The following DIP2A variants were observed in gnomAD, a reference collection of about 807,000 sequenced individuals.
The protein encoded by DIP2A is DIP2 acetate--CoA ligase A.
In DIP2A, 85 loss-of-function variants were observed where a neutral mutation model predicts 177.4. The ratio of observed to expected loss-of-function variants is 0.48; its 90% CI spans 0.40 to 0.57. The LOEUF (loss-of-function observed/expected upper bound fraction) is 0.57. Among genes scored for constraint, DIP2A ranks in the 20% least tolerant of loss-of-function variants. The pLI is 0.00. For synonymous variants in DIP2A, 886 were observed against 881.8 expected (o/e 1.00, Z -0.08); for missense variants, 1,791 against 2,100.2 (o/e 0.85, Z 2.88).
Position 46,498,700 on chromosome 21 carries a change from G to GTCCACCTCATCCTCTGCATCC in DIP2A, c.534_554dup (p.Ser179_Ser185dup). The GTCCACCTCATCCTCTGCATCC allele has an allele frequency of 6.2e-7, 1 of 1,613,760 alleles. No individual in the cohort carries two copies. Among genetic ancestry groups the GTCCACCTCATCCTCTGCATCC allele is most frequent in the Non-Finnish European group, 8.5e-7 (1 of 1,179,862 alleles). On this transcript the variant is annotated inframe_insertion, in exon 5 of 38. Transcript: ENST00000417564. This position sits in a 1 kb window ranked among gnomAD's most constrained non-coding sequence, Gnocchi z 4.3. ...GGCTCGACCGGGTCATTCAGGGCTCGTCCACCTCATCCTCTGCATCCTCCA... is the reference window on the plus strand; with the variant it reads ...GGCTCGACCGGGTCATTCAGGGCTCGTCCACCTCATCCTCTGCATCCTCCACCTCATCCTCTGCATCCTCCA...
Position 46,529,149 on chromosome 21 carries a change from G to A in DIP2A, c.1160G>A (p.Ser387Asn). Residue 387 changes from serine (S) to asparagine (N), a missense_variant, in exon 9 of 38, where the codon AGT (serine) becomes AAT (asparagine). Physicochemically the swap from Ser to Asn is conservative, Grantham distance 46. Coordinates refer to ENST00000417564, the MANE Select transcript of DIP2A (RefSeq NM_015151.4). Reference protein sequence around the residue: ...LAYTLLNKLTSKNEPLLKPGD... With the variant: ...LAYTLLNKLTNKNEPLLKPGD... ...TATACTCTACTTAATAAACTGACAA[G>A]TAAGAATGAACCTCTACTTAAACCT... 6 of 1,536,110 alleles carry A rather than the reference G, an allele frequency of 3.9e-6. No homozygotes were observed. The highest frequency in any genetic ancestry group is 5.3e-6 in the Non-Finnish European group (6 of 1,140,666).
chr21:46,543,936 GTCTC>G (rs1384809687), intron 18 of DIP2A, among the ~76,000 whole-genome samples: 1 of 152,142 alleles, frequency 6.6e-6, no homozygotes, highest in Non-Finnish European at 1.5e-5. Context: ...ATATCTGGTT[GTCTC>G]TCTCTTTCTT....
At chr21:46,572,874 A>G (rs1273531955), downstream of DIP2A, among the ~76,000 whole-genome samples, 1 of 152,202 alleles carries the variant, frequency 6.6e-6, no homozygotes, top group Non-Finnish European at 1.5e-5. Context: ...ATGTGTTTAG[A>G]TATACAAATA....
intron 2 of DIP2A, among the ~76,000 whole-genome samples, chr21:46,486,864 C>T (rs2056729752): frequency 6.6e-6 from 1 of 152,154 alleles, no homozygotes; most frequent in African/African-American, 2.4e-5. Context: ...CTCAAATACC[C>T]ATCAACAGAA....
intron 1 of DIP2A, chr21:46,462,384 G>T (rs1160897461): frequency 6.6e-6 from 1 of 152,202 alleles, no homozygotes; most frequent in Non-Finnish European, 1.5e-5. Flanking sequence ...TAAAGTGTCT[G>T]TGAATCTCCT....
chr21:46,465,655 T>A (rs1411786090), intron 1 of DIP2A, among the ~76,000 whole-genome samples: 1 of 152,160 alleles, frequency 6.6e-6, no homozygotes, highest in Non-Finnish European at 1.5e-5. Context: ...TCACTGATAG[T>A]CATTATATTA....
chr21:46,478,050 C>T (rs1341025878), intron 1 of DIP2A, among the ~76,000 whole-genome samples: 2 of 152,120 alleles, frequency 1.3e-5, no homozygotes, highest in East Asian at 3.9e-4. Context: ...TGTTGTTCTA[C>T]TTGCTTATCT....
intron 13 of DIP2A, among the ~76,000 whole-genome samples, chr21:46,534,991 G>A (rs1406891720): frequency 6.6e-6 from 1 of 152,206 alleles, no homozygotes. Context: ...ATATCCCACT[G>A]ATTGATTTAT....
chr21:46,574,968 C>T (rs1483079870), downstream of DIP2A, among the ~76,000 whole-genome samples: 2 of 152,084 alleles, frequency 1.3e-5, no homozygotes, highest in East Asian at 3.9e-4. Context: ...CAGTCAGACA[C>T]TACAAAAACA....
chr21:46,507,682 A>AT (rs2058084000), intron 6 of DIP2A, among the ~76,000 whole-genome samples: 1 of 83,758 alleles, frequency 1.2e-5, no homozygotes, highest in Non-Finnish European at 2.5e-5. Context: ...TTTTTTTTTA[A>AT]TTTTCTGTTC....
chr21:46,518,528 T>C (rs925361612), intron 8 of DIP2A, among the ~76,000 whole-genome samples: 11 of 152,238 alleles, frequency 7.2e-5, no homozygotes, highest in Admixed American at 7.2e-4. Context: ...ACTTGCTCTT[T>C]TGTTAAGTAC....
Position 46,555,375 on chromosome 21 carries a change from C to T in DIP2A, c.3388+442C>T, listed in dbSNP as rs549811413. Reference sequence around the variant, plus strand: ...AGAAACCCCCCTGGCTCCCCTCTGCCGTGGACCTGTCTCAGCCTGGGCTGG... The same window carrying T: ...AGAAACCCCCCTGGCTCCCCTCTGCTGTGGACCTGTCTCAGCCTGGGCTGG... On this transcript the variant is annotated intron_variant, in intron 28 of 37. Coordinates refer to ENST00000417564, the MANE Select transcript of DIP2A (RefSeq NM_015151.4). The T allele has an allele frequency of 5.7e-5, 13 of 227,508 alleles. No individual in the cohort carries two copies. The East Asian group carries it at 7.3e-4, about 13-fold the overall frequency. 14.1% of individuals were successfully genotyped at this position (227,508 alleles called of 1,614,324 possible).
At chr21:46,527,900 C>G (rs1429612075) in intron 8 of DIP2A, among the ~76,000 whole-genome samples, 1 of 152,092 alleles carries the variant, frequency 6.6e-6, no homozygotes. Flanking sequence ...CATGGTCACC[C>G]CTGCCTCTGT....
intron 10 of DIP2A, 23 bp from the exon 11 acceptor site, chr21:46,533,501 C>T: frequency 6.2e-7 from 1 of 1,609,004 alleles, no homozygotes; most frequent in Non-Finnish European, 8.5e-7. Context: ...CCCCACCCCA[C>T]ACGGTCACTC....
intron 1 of DIP2A, among the ~76,000 whole-genome samples, chr21:46,465,797 A>G (rs1452988929): frequency 3.3e-5 from 5 of 152,228 alleles, no homozygotes; most frequent in Non-Finnish European, 7.3e-5. Flanking sequence ...TGGGAAGTAC[A>G]TGAATTGCTT....
rs373389333 is a variant in DIP2A, at chr21:46,557,547, G to C, written c.3630-38G>C. ...AAGAGTGGAGTGCCCAGGGTGCTGGGTGGGCGGGCGGAGCCTCACGAGCCT... is the reference window on the plus strand; with the variant it reads ...AAGAGTGGAGTGCCCAGGGTGCTGGCTGGGCGGGCGGAGCCTCACGAGCCT... On this transcript the variant is annotated intron_variant, in intron 30 of 37. Transcript: ENST00000417564. This position sits in a 1 kb window ranked among gnomAD's most constrained non-coding sequence, Gnocchi z 6.0. 36 of 1,582,500 alleles carry C rather than the reference G, an allele frequency of 2.3e-5. No homozygotes were observed. In the African/African-American group the frequency reaches 4.4e-4, roughly 19 times the overall value.
chr21:46,512,930 G>T (rs557455762), intron 8 of DIP2A, among the ~76,000 whole-genome samples: 5 of 152,140 alleles, frequency 3.3e-5, no homozygotes, highest in Non-Finnish European at 7.4e-5. Context: ...AAAGTGCTGG[G>T]ATTACAAGTG....
intron 1 of DIP2A, among the ~76,000 whole-genome samples, chr21:46,482,025 G>A (rs1352029408): frequency 1.3e-5 from 2 of 152,016 alleles, no homozygotes; most frequent in African/African-American, 2.4e-5. Flanking sequence ...TTCCATCCTG[G>A]GTGACAGAGC....
intron 8 of DIP2A, among the ~76,000 whole-genome samples, chr21:46,527,838 A>C (rs538913474): frequency 3.4e-4 from 52 of 152,052 alleles, no homozygotes; most frequent in East Asian, 3.9e-4. Context: ...GGGGGTGTTA[A>C]GGCTCCTTCA....
Sources: allele counts gnomAD v4.1 joint callset (sites outside exome capture counted in the v4.1 genomes callset), GRCh38; gene constraint gnomAD v4.1.1; non-coding constraint Gnocchi (gnomAD v3.1); transcripts MANE v1.5; gene names NCBI Gene and HGNC (gene_info 2026-07-23, HGNC 2026-07-21).